The following ACACA variants were observed in gnomAD, a reference collection of about 807,000 sequenced individuals.
ACACA encodes the protein acetyl-CoA carboxylase alpha, also known as acetyl-CoA carboxylase 1.
A neutral mutation model predicts 296.1 loss-of-function variants in ACACA; 103 were observed. The observed-to-expected ratio is 0.35, with a 90% confidence interval of 0.30 to 0.41. The LOEUF (loss-of-function observed/expected upper bound fraction) is 0.41. ACACA is among the 10% of genes least tolerant of loss of function. The pLI is 1.00. For missense variants in ACACA, 1,554 were observed against 2,989.7 expected (o/e 0.52, Z 11.20); for synonymous variants, 953 against 1,038.6 (o/e 0.92, Z 1.58).
rs1415436324 is a variant in ACACA, at chr17:37,217,759, AAAAAAC to A, written c.3683+3959_3683+3964del. ...CAAAAAAAAAAAAAAAAAAAAAAAA[AAAAAAC>A]AACCTGTTTTCTCCCCCAATAATTT... is the stretch of plus-strand genomic sequence containing the variant. On this transcript the variant is annotated intron_variant, in intron 29 of 55. Transcript: ENST00000616317. Among the ~76,000 whole-genome samples, 30 of 134,636 alleles carry A rather than the reference AAAAAAC, an allele frequency of 2.2e-4. 3 individuals carry two copies. Among genetic ancestry groups the A allele is most frequent in the African/African-American group, 8.7e-4 (26 of 29,718 alleles). 88.3% of individuals were successfully genotyped at this position (134,636 alleles called of 152,430 possible).
At chr17:37,388,975 A>G (rs2050671849) in intron 1 of ACACA, among the ~76,000 whole-genome samples, 1 of 152,180 alleles carries the variant, frequency 6.6e-6, no homozygotes, top group South Asian at 2.1e-4. Context: ...CAGTGGCCTC[A>G]TGTGTAAAAT....
chr17:37,362,278 T>C lies in ACACA; in HGVS notation c.39-22428A>G, dbSNP rs144701852. On this transcript the variant is annotated intron_variant, in intron 1 of 55. Transcript: ENST00000616317. ...GAAAACGAATACAAAATCCCAAATA[T>C]ATGACTTCCAGGGTTTTCAAGGTGA... 8.2e-3 allele frequency among the ~76,000 whole-genome samples: 1,247 copies of C among 152,298 alleles called. 12 individuals are homozygous for C. Among genetic ancestry groups the C allele is most frequent in the Middle Eastern group, 0.017 (5 of 294 alleles).
intron 45 of ACACA, among the ~76,000 whole-genome samples, chr17:37,130,891 T>C (rs1157739613): frequency 2.0e-5 from 3 of 152,048 alleles, no homozygotes; most frequent in Non-Finnish European, 1.5e-5. Context: ...GATTATTTTT[T>C]TCCTTATATT....
chr17:37,364,332 G>A (rs575180481), intron 1 of ACACA, among the ~76,000 whole-genome samples: 58 of 152,108 alleles, frequency 3.8e-4, no homozygotes, highest in African/African-American at 1.3e-3. Context: ...GGTGGCTCAT[G>A]CCTGTAATCC....
At chr17:37,162,636 A>T (rs563926577) in intron 41 of ACACA, 4 of 291,626 alleles carry the variant, frequency 1.4e-5, no homozygotes, top group South Asian at 1.0e-4. Context: ...TGGGCACACT[A>T]CAAGAGTACA....
At chr17:37,138,201 T>G (rs2075410491) in intron 45 of ACACA, among the ~76,000 whole-genome samples, 1 of 152,182 alleles carries the variant, frequency 6.6e-6, no homozygotes, top group Non-Finnish European at 1.5e-5. Context: ...GATTAGACTG[T>G]GTGATGATGG....
intron 39 of ACACA, among the ~76,000 whole-genome samples, chr17:37,181,900 C>CAAAAA (rs61045031): frequency 4.9e-4 from 11 of 22,236 alleles, no homozygotes; most frequent in African/African-American, 1.4e-3. Context: ...ACTCTGTATC[C>CAAAAA]AAAAAAAAAA....
At chr17:37,317,558 A>G (rs1055932558) in intron 3 of ACACA, among the ~76,000 whole-genome samples, 1 of 152,168 alleles carries the variant, frequency 6.6e-6, no homozygotes, top group Non-Finnish European at 1.5e-5. Context: ...GCAAGACTCT[A>G]TCTGGAAAAA....
chr17:37,394,460 G>A (rs1159003981), intron 1 of ACACA, among the ~76,000 whole-genome samples: 3 of 151,704 alleles, frequency 2.0e-5, no homozygotes, highest in African/African-American at 4.8e-5. Context: ...ATCCACCCGC[G>A]TCGGCCTCAC....
chr17:37,128,459 A>C (rs900628283), intron 47 of ACACA, among the ~76,000 whole-genome samples: 7 of 152,260 alleles, frequency 4.6e-5, no homozygotes, highest in African/African-American at 1.4e-4. Context: ...TACACTTAAT[A>C]AAATACCTTC....
At chr17:37,244,365 C>T (rs541342145) in intron 21 of ACACA, among the ~76,000 whole-genome samples, 36 of 144,496 alleles carry the variant, frequency 2.5e-4, no homozygotes, top group African/African-American at 6.0e-4. Flanking sequence ...GACTCCGTCT[C>T]GAGGAAAAAA....
intron 26 of ACACA, chr17:37,225,635 CACAA>C (rs1159959325): frequency 5.1e-5 from 9 of 174,992 alleles, no homozygotes; most frequent in Admixed American, 1.1e-4. Flanking sequence ...AAAGCAGTGT[CACAA>C]ACAAACAAAC....
At chr17:37,228,802 A>G (rs527892717) in intron 25 of ACACA, among the ~76,000 whole-genome samples, 13 of 152,298 alleles carry the variant, frequency 8.5e-5, no homozygotes, top group Non-Finnish European at 2.9e-5. Context: ...CTCTGTACAA[A>G]GCCAGACTAA....
chr17:37,204,045 G>C (rs1009643816), intron 33 of ACACA, among the ~76,000 whole-genome samples: 3 of 152,054 alleles, frequency 2.0e-5, no homozygotes, highest in Non-Finnish European at 4.4e-5. Context: ...TCTACCATTG[G>C]CATTACATGA....
intron 1 of ACACA, among the ~76,000 whole-genome samples, chr17:37,391,074 T>C (rs992175343): frequency 1.3e-5 from 2 of 151,856 alleles, no homozygotes; most frequent in African/African-American, 4.8e-5. Context: ...CTGTCTCAAC[T>C]AAAAATACAA....
rs34102178 is a variant in ACACA at position 37,247,887 on chromosome 17, A to ATT, written c.2309+122_2309+123dup. The ATT allele has an allele frequency of 2.3e-3, 2,341 of 1,022,098 alleles. 4 individuals carry two copies. The highest frequency in any genetic ancestry group is 9.7e-3 in the East Asian group (366 of 37,556). 63.3% of individuals were successfully genotyped at this position (1,022,098 alleles called of 1,614,324 possible). On this transcript the variant is annotated intron_variant, in intron 18 of 55. Coordinates refer to ENST00000616317, the MANE Select transcript of ACACA (RefSeq NM_198834.3). ...GATATTTTTGTTAAGTGCATGTACT[A>ATT]TTTTTTTTTTTTTTAACTACAAATG...
intron 39 of ACACA, among the ~76,000 whole-genome samples, chr17:37,187,413 G>A (rs780721733): frequency 2.3e-4 from 35 of 152,320 alleles, no homozygotes; most frequent in South Asian, 1.0e-3. Context: ...TATGTATACT[G>A]GAGCAGGTTC....
intron 41 of ACACA, among the ~76,000 whole-genome samples, chr17:37,174,020 A>ATATTTT (rs552735515): frequency 6.6e-4 from 11 of 16,790 alleles, no homozygotes; most frequent in African/African-American, 2.8e-3. Flanking sequence ...ATATATATAT[A>ATATTTT]TTTTTTTTTT....
At chr17:37,264,285 A>G (rs969210509) in intron 10 of ACACA, among the ~76,000 whole-genome samples, 1 of 152,188 alleles carries the variant, frequency 6.6e-6, no homozygotes, top group Non-Finnish European at 1.5e-5. Context: ...ATTACATCAT[A>G]TATGGTATTG....
Sources: gnomAD v4.1 joint callset for allele counts (sites outside exome capture counted in the v4.1 genomes callset) on GRCh38, gnomAD v4.1.1 for gene constraint, MANE v1.5 for transcripts, NCBI Gene and HGNC (gene_info 2026-07-23, HGNC 2026-07-21) for gene names.